The following LNPEP variants were observed in gnomAD, a reference collection of about 807,000 sequenced individuals.
The protein encoded by LNPEP is leucyl-cystinyl aminopeptidase.
LNPEP carries 64 observed loss-of-function variants against 120.6 expected under a neutral mutation model. The ratio of observed to expected loss-of-function variants is 0.53; its 90% confidence interval spans 0.43 to 0.65. The LOEUF (loss-of-function observed/expected upper bound fraction) is 0.65, where lower values mean the gene tolerates loss of function less well. Among genes scored for constraint, LNPEP ranks in the 30% least tolerant of loss-of-function variants. The pLI is 0.00. For missense variants in LNPEP, 1,057 were observed against 1,200.0 expected (o/e 0.88, Z 1.76); for synonymous variants, 435 against 425.4 (o/e 1.02, Z -0.28).
chr5:96,979,099 TCTAACTCTGTGCC>T (rs1298187080), intron 1 of LNPEP, 26 bp from the exon 2 acceptor site: 3 of 1,530,374 alleles, frequency 2.0e-6, no homozygotes, highest in Non-Finnish European at 1.7e-6. Context: ...CTTTTTTTTT[TCTAACTCTGTGCC>T]TTGTTCTTAT....
chr5:96,985,100 T>C lies in LNPEP; in HGVS notation c.881T>C (p.Phe294Ser). The C allele has an allele frequency of 6.2e-7, 1 of 1,613,996 alleles. No homozygotes were observed. Among genetic ancestry groups the C allele is most frequent in the Non-Finnish European group, 8.5e-7 (1 of 1,179,892 alleles). The change falls in exon 3 of 18, where the codon TTT becomes TCT. Residue 294 changes from phenylalanine to serine, a missense_variant. Physicochemically the swap from Phe to Ser is radical, Grantham distance 155. Transcript: ENST00000231368. ...NEKKYFAATQ[F>S]EPLAARSAFP... ...TTTAGGTACTTTGCAGCAACTCAGT[T>C]TGAACCCCTGGCAGCAAGATCTGCT... is the stretch of plus-strand genomic sequence containing the variant.
rs922479148 is a variant in LNPEP at position 97,017,472 on chromosome 5, T to G, written c.2376+2377T>G. Among the ~76,000 whole-genome samples the G allele has an allele frequency of 4.6e-5, 7 of 152,240 alleles. No individual in the cohort carries two copies. The East Asian group carries it at 1.4e-3, about 29-fold the overall frequency. On this transcript the variant is annotated intron_variant, in intron 13 of 17. Transcript: ENST00000231368. ...TTTTTATTAATATGAGTTTTAAATT[T>G]TAATGTAATCTAGCTTATGAAATCT...
intron 1 of LNPEP, among the ~76,000 whole-genome samples, chr5:96,954,066 G>T (rs955995656): frequency 3.3e-5 from 5 of 152,274 alleles, no homozygotes; most frequent in Non-Finnish European, 7.4e-5. Flanking sequence ...TGATCTCAAG[G>T]TTCTCTGTAG....
chr5:96,977,579 C>T (rs1416898412), intron 1 of LNPEP, among the ~76,000 whole-genome samples: 1 of 152,070 alleles, frequency 6.6e-6, no homozygotes. Flanking sequence ...TCAGAGGCTG[C>T]GTTTCTAACA....
intron 17 of LNPEP, among the ~76,000 whole-genome samples, chr5:97,028,188 G>A (rs1325680621): frequency 1.3e-5 from 2 of 152,130 alleles, no homozygotes; most frequent in Non-Finnish European, 2.9e-5. Context: ...ATCTGTGTGG[G>A]AGTAAAAAGA....
At chr5:97,022,154 C>T (rs1015553725) in intron 13 of LNPEP, 146 bp from the exon 14 acceptor site, 1 of 581,152 alleles carries the variant, frequency 1.7e-6, no homozygotes, top group Non-Finnish European at 3.0e-6. Flanking sequence ...GTCTCAAACT[C>T]CTGACCTCAG....
At chr5:97,009,551 TTCC>T (rs1660641819) in intron 11 of LNPEP, among the ~76,000 whole-genome samples, 1 of 152,242 alleles carries the variant, frequency 6.6e-6, no homozygotes, top group African/African-American at 2.4e-5. Flanking sequence ...TCTTTTTCTC[TTCC>T]TCTTCTTAGT....
chr5:96,985,645 A>G (rs2112615542), intron 3 of LNPEP, among the ~76,000 whole-genome samples: 1 of 152,302 alleles, frequency 6.6e-6, no homozygotes, highest in East Asian at 1.9e-4. Flanking sequence ...GAGATTGACA[A>G]CTAGAACAGG....
intron 7 of LNPEP, among the ~76,000 whole-genome samples, chr5:96,997,673 T>TA (rs574804298): frequency 1.2e-3 from 188 of 152,194 alleles, no homozygotes; most frequent in African/African-American, 4.2e-3. Context: ...AAGTTTCATT[T>TA]AAAAAAATAT....
chr5:96,980,030 A>G (rs977500976), intron 2 of LNPEP, 52 bp downstream of exon 2: 6 of 1,503,502 alleles, frequency 4.0e-6, no homozygotes, highest in Non-Finnish European at 5.4e-6. Context: ...AACTTCTGCA[A>G]TATAGATCCC....
chr5:97,005,054 C>T (rs1790746870), intron 9 of LNPEP, among the ~76,000 whole-genome samples: 2 of 152,220 alleles, frequency 1.3e-5, no homozygotes, highest in African/African-American at 4.8e-5. Context: ...CCAAAAGCAC[C>T]TTGGTTTTAG....
In LNPEP at chr5:97,026,655, C is replaced by T. The variant is rs1791348276; in HGVS notation, c.2762C>T (p.Thr921Ile). Residue 921 changes from threonine (T) to isoleucine (I), a missense_variant, in exon 16 of 18, where the codon ACA becomes ATA. Thr to Ile is a moderately conservative substitution (Grantham distance 89, BLOSUM62 -1). Coordinates refer to ENST00000231368, the MANE Select transcript of LNPEP (RefSeq NM_005575.3). ...AGCCTGAATGGAGATAACTTCCGAA[C>T]ACAGAAGCTGTCTTTTATCATTAGA... ...KSSLNGDNFR[T>I]QKLSFIIRTV... The T allele has an allele frequency of 6.2e-7, 1 of 1,612,968 alleles. No individual in the cohort carries two copies. The highest frequency in any genetic ancestry group is 8.5e-7 in the Non-Finnish European group (1 of 1,178,986).
Position 97,003,417 on chromosome 5 carries a change from A to G in LNPEP, c.1656A>G (p.Gly552=). Residue 552 remains glycine (G), a splice_region_variant and synonymous_variant, in exon 9 of 18, where the codon GGA becomes GGG. Coordinates refer to ENST00000231368, the MANE Select transcript of LNPEP (RefSeq NM_005575.3). ...EMFDSLSYFK[G]SSLLLMLKTY... ...TTCCTCACTTTTTTTTTTAATAGGG[A>G]TCTTCTCTCTTGTTGATGTTGAAAA... The G allele has an allele frequency of 6.6e-7, 1 of 1,515,974 alleles. No homozygotes were observed. The highest frequency in any genetic ancestry group is 8.9e-7 in the Non-Finnish European group (1 of 1,117,906). The allele number at this position is 1,515,974 out of a possible 1,614,324, so 93.9% of individuals were successfully genotyped here.
At chr5:96,982,257 C>T (rs766623207) in intron 2 of LNPEP, among the ~76,000 whole-genome samples, 30 of 152,152 alleles carry the variant, frequency 2.0e-4, no homozygotes, top group Middle Eastern at 3.2e-3. Flanking sequence ...ACTTGCTTTC[C>T]TTTGTACATT....
intron 1 of LNPEP, among the ~76,000 whole-genome samples, chr5:96,966,508 T>TTGTG (rs375861296): frequency 0.073 from 9,694 of 133,336 alleles, 307 homozygotes; most frequent in Non-Finnish European, 0.081. Flanking sequence ...TTACATATAT[T>TTGTG]TGTGTGTGTG....
chr5:96,966,512 G>T (rs1191665262), intron 1 of LNPEP, among the ~76,000 whole-genome samples: 3 of 114,046 alleles, frequency 2.6e-5, no homozygotes, highest in African/African-American at 1.0e-4. Flanking sequence ...ATATATTTGT[G>T]TGTGTGTGTG....
chr5:96,964,472 C>A (rs1198478569), intron 1 of LNPEP, among the ~76,000 whole-genome samples: 1 of 151,952 alleles, frequency 6.6e-6, no homozygotes, highest in African/African-American at 2.4e-5. Flanking sequence ...TTATAACCTG[C>A]TTTTCTCTCT....
intron 9 of LNPEP, among the ~76,000 whole-genome samples, chr5:97,004,467 G>A (rs1554069779): frequency 6.7e-6 from 1 of 150,314 alleles, no homozygotes; most frequent in Non-Finnish European, 1.5e-5. Flanking sequence ...AGCCGAGACT[G>A]TACCACTGCA....
At chr5:96,959,933 C>CTTTTTTTTT (rs11316262) in intron 1 of LNPEP, among the ~76,000 whole-genome samples, 2 of 113,202 alleles carry the variant, frequency 1.8e-5, no homozygotes, top group African/African-American at 3.4e-5. Flanking sequence ...TAAAATTTAT[C>CTTTTTTTTT]TTTTTTTTTT....
Sources: gnomAD v4.1 joint callset for allele counts (sites outside exome capture counted in the v4.1 genomes callset) on GRCh38, gnomAD v4.1.1 for gene constraint, MANE v1.5 for transcripts, NCBI Gene and HGNC (gene_info 2026-07-23, HGNC 2026-07-21) for gene names.